Variants in CCDC178 observed in about 807,000 individuals in gnomAD.
The protein encoded by CCDC178 is coiled-coil domain-containing protein 178.
A neutral mutation model predicts 117.4 loss-of-function variants in CCDC178; 126 were observed. The observed-to-expected ratio is 1.07, with a 90% CI of 0.93 to 1.24. CCDC178 has a LOEUF of 1.24. Among genes scored for constraint, CCDC178 ranks in the 50% most tolerant of loss-of-function variants. The probability of loss-of-function intolerance (pLI) is 0.00; values close to 1 mark genes in which losing one functional copy is unlikely to be tolerated. For synonymous variants in CCDC178, 283 were observed against 313.4 expected (o/e 0.90, Z 1.02); for missense variants, 1,030 against 986.9 (o/e 1.04, Z -0.59).
chr18:33,183,779 G>GT (rs1450782015), intron 20 of CCDC178, among the ~76,000 whole-genome samples: 2 of 148,474 alleles, frequency 1.3e-5, no homozygotes, highest in Non-Finnish European at 3.0e-5. Flanking sequence ...TATTCTACAA[G>GT]TTTCTCTAGT....
intron 20 of CCDC178, among the ~76,000 whole-genome samples, chr18:33,181,105 C>T (rs111510358): frequency 2.7e-4 from 41 of 150,966 alleles, no homozygotes; most frequent in African/African-American, 9.6e-4. Context: ...GGCCAAATTT[C>T]TGTTCATGCC....
intron 22 of CCDC178, among the ~76,000 whole-genome samples, chr18:32,940,101 GT>G (rs61023671): frequency 0.19 from 28,250 of 151,598 alleles, 3,046 homozygotes; most frequent in East Asian, 0.3. Context: ...AATTGGCAGA[GT>G]TTTTTTTCAT....
intron 20 of CCDC178, among the ~76,000 whole-genome samples, chr18:33,152,609 T>C (rs985326704): frequency 6.6e-6 from 1 of 151,870 alleles, no homozygotes; most frequent in African/African-American, 2.4e-5. Context: ...GTCCCAAATA[T>C]GTGAATGAGG....
chr18:33,085,167 TGAA>T (rs1254969665), intron 21 of CCDC178, among the ~76,000 whole-genome samples: 2 of 152,192 alleles, frequency 1.3e-5, no homozygotes, highest in African/African-American at 2.4e-5. Context: ...ATACAAGAAA[TGAA>T]GGACACATAT....
intron 2 of CCDC178, among the ~76,000 whole-genome samples, chr18:33,419,893 C>T (rs1168972852): frequency 1.3e-5 from 2 of 151,866 alleles, no homozygotes; most frequent in African/African-American, 4.8e-5. Context: ...TACCATTCAA[C>T]CCAGCAATCT....
intron 5 of CCDC178, among the ~76,000 whole-genome samples, chr18:33,379,669 G>A (rs1255370892): frequency 6.6e-6 from 1 of 152,126 alleles, no homozygotes; most frequent in African/African-American, 2.4e-5. Flanking sequence ...AGGTGATGGA[G>A]GGTGGCTTAA....
chr18:33,264,116 G>A (rs6507006), intron 14 of CCDC178, among the ~76,000 whole-genome samples: 138,766 of 152,150 alleles, frequency 0.91, 63,387 homozygotes, highest in East Asian at 1. Flanking sequence ...GCAGATTTGG[G>A]TGAAAAGCAA....
chr18:33,189,422 T>C (rs548633180), intron 20 of CCDC178, among the ~76,000 whole-genome samples: 57 of 152,332 alleles, frequency 3.7e-4, no homozygotes, highest in African/African-American at 1.4e-3. Context: ...ATATTATATA[T>C]GTATTCATAT....
At chr18:33,129,840 T>A (rs949650708) in intron 20 of CCDC178, among the ~76,000 whole-genome samples, 1 of 152,008 alleles carries the variant, frequency 6.6e-6, no homozygotes, top group African/African-American at 2.4e-5. Context: ...ATTCAGGAAT[T>A]TTAAGTCAAT....
chr18:33,045,723 G>A (rs762771256), intron 21 of CCDC178, among the ~76,000 whole-genome samples: 2 of 152,096 alleles, frequency 1.3e-5, no homozygotes, highest in East Asian at 1.9e-4. Flanking sequence ...TTACAAAGCC[G>A]AAGCATTGCA....
At chr18:32,938,415 CAT>C (rs1431060110) in intron 22 of CCDC178, 2 of 196,472 alleles carry the variant, frequency 1.0e-5, no homozygotes, top group African/African-American at 4.6e-5. Flanking sequence ...AAATTTGTCA[CAT>C]AGAGAAAGTG....
At chr18:33,168,335 T>C (rs2058557733) in intron 20 of CCDC178, among the ~76,000 whole-genome samples, 1 of 152,148 alleles carries the variant, frequency 6.6e-6, no homozygotes, top group East Asian at 1.9e-4. Flanking sequence ...ATTTGTTGAA[T>C]AGAGAGTCGT....
chr18:32,950,150 A>C (rs1328809008), intron 22 of CCDC178, among the ~76,000 whole-genome samples: 1 of 152,172 alleles, frequency 6.6e-6, no homozygotes, highest in African/African-American at 2.4e-5. Context: ...GCTGCTTAAA[A>C]GGTTATCCAA....
intron 3 of CCDC178, among the ~76,000 whole-genome samples, chr18:33,397,657 C>T (rs185722040): frequency 1.1e-3 from 167 of 152,152 alleles, no homozygotes; most frequent in African/African-American, 3.3e-3. Flanking sequence ...GAAAGATAAA[C>T]GCAATTATTT....
intron 5 of CCDC178, among the ~76,000 whole-genome samples, chr18:33,380,813 G>A (rs1327741640): frequency 6.6e-6 from 1 of 152,176 alleles, no homozygotes; most frequent in Non-Finnish European, 1.5e-5. Flanking sequence ...CATGCTAAGA[G>A]CCTCTCATCT....
intron 20 of CCDC178, among the ~76,000 whole-genome samples, chr18:33,101,151 T>C (rs989166220): frequency 6.6e-6 from 1 of 151,736 alleles, no homozygotes; most frequent in Non-Finnish European, 1.5e-5. Context: ...GTTTAATATT[T>C]TTTCTGATAT....
intron 21 of CCDC178, among the ~76,000 whole-genome samples, chr18:33,082,821 T>C (rs1307327132): frequency 3.3e-5 from 5 of 151,998 alleles, no homozygotes; most frequent in African/African-American, 4.8e-5. Flanking sequence ...TAATTCACTC[T>C]TGGTTAACAG....
intron 20 of CCDC178, among the ~76,000 whole-genome samples, chr18:33,105,631 T>A (rs1019719032): frequency 1.3e-5 from 2 of 151,660 alleles, no homozygotes; most frequent in Non-Finnish European, 3.0e-5. Flanking sequence ...CATTTCACAA[T>A]TCATTTTTAC....
chr18:33,267,321 A>G, intron 12 of CCDC178, 24 bp from the exon 13 acceptor site: 2 of 1,352,606 alleles, frequency 1.5e-6, no homozygotes, highest in African/African-American at 1.5e-5. Context: ...TATACAGAAC[A>G]AAGTGAATTG....
Sources: allele counts gnomAD v4.1 joint callset (sites outside exome capture counted in the v4.1 genomes callset), GRCh38; gene constraint gnomAD v4.1.1; transcripts MANE v1.5; gene names NCBI Gene and HGNC (gene_info 2026-07-23, HGNC 2026-07-21).